The following ZNF804B variants were observed in gnomAD, a reference collection of about 807,000 sequenced individuals.
ZNF804B encodes the protein zinc finger protein 804B, also known as zinc finger 804B.
Under a neutral mutation model 101.4 loss-of-function variants are expected in ZNF804B, and 80 were observed. The observed-to-expected ratio is 0.79, with a 90% CI of 0.66 to 0.95. The LOEUF (loss-of-function observed/expected upper bound fraction) is 0.95, where lower values mean the gene tolerates loss of function less well. ZNF804B is among the 40% of genes least tolerant of loss of function. ZNF804B has a pLI of 0.00. For missense variants in ZNF804B, 1,673 were observed against 1,561.9 expected, an observed-to-expected ratio of 1.07 and a Z score of -1.20; for synonymous variants, 622 against 558.8, an observed-to-expected ratio of 1.11 and a Z score of -1.59.
chr7:89,209,987 A>G (rs746488821), intron 1 of ZNF804B, among the ~76,000 whole-genome samples: 36 of 152,056 alleles, frequency 2.4e-4, no homozygotes, highest in Admixed American at 3.9e-4. Context: ...CATCTCTACT[A>G]AAAATACAAA....
At chr7:88,986,890 AGTT>A (rs1360090500) in intron 1 of ZNF804B, among the ~76,000 whole-genome samples, 6 of 152,052 alleles carry the variant, frequency 3.9e-5, no homozygotes, top group Non-Finnish European at 7.4e-5. Context: ...TGCCAAATAA[AGTT>A]GTTTTGTTTT....
intron 1 of ZNF804B, among the ~76,000 whole-genome samples, chr7:89,135,664 A>G (rs182906423): frequency 6.4e-4 from 97 of 152,190 alleles, no homozygotes; most frequent in Admixed American, 6.4e-3. Context: ...CAAGGATGAT[A>G]TTAAGGTGAA....
intron 1 of ZNF804B, among the ~76,000 whole-genome samples, chr7:88,876,029 C>G (rs1791933492): frequency 6.6e-6 from 1 of 152,058 alleles, no homozygotes; most frequent in Admixed American, 6.5e-5. Context: ...TAAATGTAAT[C>G]CAGCATATAA....
At chr7:89,041,177 G>T (rs567212836) in intron 1 of ZNF804B, among the ~76,000 whole-genome samples, 89 of 152,256 alleles carry the variant, frequency 5.8e-4, no homozygotes, top group Admixed American at 3.8e-3. Context: ...AGCCTGATTC[G>T]AAGGGGCTTG....
intron 2 of ZNF804B, among the ~76,000 whole-genome samples, chr7:89,275,244 C>G (rs577038321): frequency 6.6e-6 from 1 of 151,872 alleles, no homozygotes; most frequent in Non-Finnish European, 1.5e-5. Flanking sequence ...ATCAGGAAAA[C>G]ATGTTTCTCT....
At chr7:89,007,816 G>A (rs546890130) in intron 1 of ZNF804B, among the ~76,000 whole-genome samples, 1 of 150,920 alleles carries the variant, frequency 6.6e-6, no homozygotes, top group East Asian at 2.0e-4. Flanking sequence ...TAAAATCTTA[G>A]GACCAGCTCA....
chr7:88,838,560 T>C (rs1174533161), intron 1 of ZNF804B, among the ~76,000 whole-genome samples: 2 of 152,008 alleles, frequency 1.3e-5, no homozygotes, highest in Non-Finnish European at 2.9e-5. Context: ...AAAATAGATT[T>C]GTTACCTATA....
intron 1 of ZNF804B, among the ~76,000 whole-genome samples, chr7:89,058,771 G>A (rs1481107648): frequency 6.6e-6 from 1 of 152,034 alleles, no homozygotes; most frequent in Non-Finnish European, 1.5e-5. Context: ...TCAGCTCACC[G>A]CAACCTTGAC....
intron 2 of ZNF804B, among the ~76,000 whole-genome samples, chr7:89,273,439 C>T (rs575244221): frequency 6.6e-6 from 1 of 152,176 alleles, no homozygotes; most frequent in Admixed American, 6.6e-5. Flanking sequence ...TATTTTGTTA[C>T]AATTAATTTT....
At chr7:88,789,431 C>T (rs1282511502) in intron 1 of ZNF804B, among the ~76,000 whole-genome samples, 2 of 152,052 alleles carry the variant, frequency 1.3e-5, no homozygotes, top group Non-Finnish European at 2.9e-5. Flanking sequence ...ACTGTTGTTA[C>T]ACTGTTATAC....
chr7:88,843,503 T>C (rs145198922), intron 1 of ZNF804B, among the ~76,000 whole-genome samples: 2,623 of 152,120 alleles, frequency 0.017, 73 homozygotes, highest in African/African-American at 0.06. Context: ...TTGGGGAGGC[T>C]GAGATGGGCA....
intron 1 of ZNF804B, among the ~76,000 whole-genome samples, chr7:88,951,218 C>T (rs1315522032): frequency 6.6e-6 from 1 of 151,834 alleles, no homozygotes; most frequent in Non-Finnish European, 1.5e-5. Flanking sequence ...TGCTTAGTCT[C>T]TGCTATTCCA....
At chr7:89,023,841 C>G (rs765501) in intron 1 of ZNF804B, among the ~76,000 whole-genome samples, 77,371 of 152,004 alleles carry the variant, frequency 0.51, 20,686 homozygotes, top group Middle Eastern at 0.62. Context: ...TTGACTGAAG[C>G]ACAACATCAC....
At chr7:89,106,492 A>AGAGAGAAATTGGAGAGTTAGAT (rs1257169462) in intron 1 of ZNF804B, among the ~76,000 whole-genome samples, 1 of 152,150 alleles carries the variant, frequency 6.6e-6, no homozygotes, top group Non-Finnish European at 1.5e-5. Context: ...TGGCTTGTGT[A>AGAGAGAAATTGGAGAGTTAGAT]GAGAGAAATT....
intron 2 of ZNF804B, among the ~76,000 whole-genome samples, chr7:89,234,420 T>A (rs1452053709): frequency 1.3e-5 from 2 of 152,106 alleles, no homozygotes; most frequent in Admixed American, 1.3e-4. Flanking sequence ...CTACTTAACC[T>A]CTTTGAATAG....
intron 1 of ZNF804B, among the ~76,000 whole-genome samples, chr7:89,007,022 C>T (rs1002559569): frequency 3.3e-5 from 5 of 152,074 alleles, no homozygotes; most frequent in Non-Finnish European, 5.9e-5. Flanking sequence ...GGCTGGGACA[C>T]GACCTTCAGC....
Position 89,213,826 on chromosome 7 carries a change from T to C in ZNF804B, c.109-4329T>C, listed in dbSNP as rs10280440. Among the ~76,000 whole-genome samples, 362 of 152,306 alleles carry C rather than the reference T, an allele frequency of 2.4e-3. 2 individuals are homozygous for C. The highest frequency in any genetic ancestry group is 8.3e-3 in the African/African-American group (345 of 41,568). ...TCCATATCTTTAAATGAGATAATAATAGAACATACTTCATAGGGTTATTGT... is the reference window on the plus strand; with the variant it reads ...TCCATATCTTTAAATGAGATAATAACAGAACATACTTCATAGGGTTATTGT... On this transcript the variant is annotated intron_variant, in intron 1 of 3. Coordinates refer to ENST00000333190, the MANE Select transcript of ZNF804B (RefSeq NM_181646.5).
At chr7:89,256,614 C>A (rs1310981727) in intron 2 of ZNF804B, among the ~76,000 whole-genome samples, 2 of 151,942 alleles carry the variant, frequency 1.3e-5, no homozygotes, top group African/African-American at 4.8e-5. Flanking sequence ...CTATCACTAT[C>A]ACATCCAAAT....
chr7:88,947,822 C>T (rs1793159643), intron 1 of ZNF804B, among the ~76,000 whole-genome samples: 1 of 150,322 alleles, frequency 6.7e-6, no homozygotes, highest in African/African-American at 2.5e-5. Flanking sequence ...TAAGGAGTAC[C>T]CAATCTACAC....
Sources: allele counts gnomAD v4.1 joint callset (sites outside exome capture counted in the v4.1 genomes callset), GRCh38; gene constraint gnomAD v4.1.1; transcripts MANE v1.5; gene names NCBI Gene and HGNC (gene_info 2026-07-23, HGNC 2026-07-21).